SORCS2: variants seen among roughly 807,000 people sequenced by gnomAD.
SORCS2 encodes the protein VPS10 domain-containing receptor SorCS2.
SORCS2 carries 100 observed loss-of-function variants against 141.6 expected under a neutral mutation model. The ratio of observed to expected loss-of-function variants is 0.71; its 90% CI spans 0.60 to 0.83. The LOEUF (loss-of-function observed/expected upper bound fraction) is 0.83. SORCS2 is among the 40% of genes least tolerant of loss of function. The pLI, the probability that SORCS2 is intolerant of heterozygous loss-of-function variation, is 0.00. For synonymous variants in SORCS2, 789 were observed against 676.9 expected, an observed-to-expected ratio of 1.17 and a Z score of -2.57; for missense variants, 1,646 against 1,560.2, an observed-to-expected ratio of 1.05 and a Z score of -0.93.
chr4:7,682,920 C>T (rs1176882445), intron 10 of SORCS2, 31 bp downstream of exon 10: 1 of 1,603,100 alleles, frequency 6.2e-7, no homozygotes, highest in Admixed American at 1.7e-5. Flanking sequence ...CACACACCAT[C>T]CTTGGCGTGG....
At chr4:7,731,518 G>A (rs1257535482) in intron 23 of SORCS2, among the ~76,000 whole-genome samples, 1 of 152,116 alleles carries the variant, frequency 6.6e-6, no homozygotes, top group African/African-American at 2.4e-5. Flanking sequence ...AAGCCATTTT[G>A]AGCAAAAAGA....
chr4:7,362,570 G>A (rs1721641289), intron 1 of SORCS2, among the ~76,000 whole-genome samples: 1 of 152,108 alleles, frequency 6.6e-6, no homozygotes, highest in South Asian at 2.1e-4. Flanking sequence ...GGTGCTGAAG[G>A]CCTAGACCCC....
At chr4:7,198,139 T>C (rs1727273472) in intron 1 of SORCS2, among the ~76,000 whole-genome samples, 1 of 152,054 alleles carries the variant, frequency 6.6e-6, no homozygotes, top group Non-Finnish European at 1.5e-5. Flanking sequence ...GGACCAAGGC[T>C]GTGGAGGGGG....
At chr4:7,337,066 G>A (rs777503827) in intron 1 of SORCS2, among the ~76,000 whole-genome samples, 2 of 152,166 alleles carry the variant, frequency 1.3e-5, no homozygotes, top group Non-Finnish European at 2.9e-5. Context: ...TTTTTGTGCC[G>A]AGGTCCAGTT....
Position 7,648,177 on chromosome 4 carries a change from A to G in SORCS2, c.814-5957A>G, listed in dbSNP as rs1302511693. ...ATGGTGGGAAGGAGGGAGGCCATTTACTGAGACCGCAGAGGAGGAGGAGGA... is the reference window on the plus strand; with the variant it reads ...ATGGTGGGAAGGAGGGAGGCCATTTGCTGAGACCGCAGAGGAGGAGGAGGA... On this transcript the variant is annotated intron_variant, in intron 4 of 26. Transcript: ENST00000507866. The surrounding 1 kb of genome is among the most constrained non-coding windows in gnomAD (Gnocchi z 4.2). 8.1e-6 allele frequency among the ~76,000 whole-genome samples: 1 copy of G among 122,730 alleles called. No homozygotes were observed. The highest frequency in any genetic ancestry group is 1.7e-5 in the Non-Finnish European group (1 of 57,818). The allele number at this position is 122,730 out of a possible 152,430, so 80.5% of individuals were successfully genotyped here.
intron 1 of SORCS2, among the ~76,000 whole-genome samples, chr4:7,345,072 A>T (rs1261704176): frequency 2.0e-5 from 3 of 152,070 alleles, no homozygotes; most frequent in Non-Finnish European, 2.9e-5. Flanking sequence ...CCTCCCAGGG[A>T]CTTGGATGGA....
At chr4:7,220,749 G>C (rs10031101) in intron 1 of SORCS2, among the ~76,000 whole-genome samples, 37,849 of 151,984 alleles carry the variant, frequency 0.25, 5,021 homozygotes, top group East Asian at 0.45. Context: ...GTGCGTCCCA[G>C]GTGTGAAACA....
At chr4:7,501,213 C>T (rs867746357) in intron 2 of SORCS2, among the ~76,000 whole-genome samples, 7 of 152,218 alleles carry the variant, frequency 4.6e-5, no homozygotes, top group Non-Finnish European at 7.3e-5. Context: ...GCCCTGCTCC[C>T]GTCACCCGCT....
chr4:7,278,904 T>C (rs73799451), intron 1 of SORCS2, among the ~76,000 whole-genome samples: 10,909 of 152,250 alleles, frequency 0.072, 858 homozygotes, highest in East Asian at 0.25. Context: ...AGAAGCAAGC[T>C]GAAGCCTGGA....
intron 3 of SORCS2, among the ~76,000 whole-genome samples, chr4:7,543,714 A>G (rs1712935513): frequency 1.1e-4 from 1 of 9,476 alleles, no homozygotes; most frequent in Non-Finnish European, 3.8e-4. Context: ...CCATCCACCC[A>G]TCCACCCATC....
In SORCS2 at chr4:7,741,569, G is replaced by T; in HGVS notation, c.*1305G>T. On this transcript the variant is annotated 3_prime_UTR_variant, in exon 27 of 27. Coordinates refer to ENST00000507866, the MANE Select transcript of SORCS2 (RefSeq NM_020777.3). ...CCGTGGCCTCCCTCTCAGAGGGGGA[G>T]AACGCCAGAGCCCTGGCTGGTGATG... 1 of 251,142 alleles carries T rather than the reference G, an allele frequency of 4.0e-6. No homozygotes were observed. The highest frequency in any genetic ancestry group is 7.6e-6 in the Non-Finnish European group (1 of 132,390). 15.6% of individuals were successfully genotyped at this position (251,142 alleles called of 1,614,324 possible). A position where few individuals can be genotyped will look rare whatever the true frequency, so the allele number is the denominator to read the frequency against.
intron 2 of SORCS2, among the ~76,000 whole-genome samples, chr4:7,449,839 A>C (rs1441612351): frequency 1.3e-5 from 2 of 152,040 alleles, no homozygotes; most frequent in Non-Finnish European, 2.9e-5. Flanking sequence ...TAGGGTTCCC[A>C]GGAGCCACCC....
intron 4 of SORCS2, among the ~76,000 whole-genome samples, chr4:7,649,671 A>G (rs1053233134): frequency 4.6e-5 from 7 of 151,952 alleles, no homozygotes; most frequent in Non-Finnish European, 1.0e-4. Flanking sequence ...CTGGGTCAGG[A>G]GCAGAGGGTG....
intron 1 of SORCS2, among the ~76,000 whole-genome samples, chr4:7,247,287 G>C (rs1178197340): frequency 6.6e-6 from 1 of 152,060 alleles, no homozygotes; most frequent in African/African-American, 2.4e-5. Flanking sequence ...TACTGTAAAC[G>C]GATGTTTCTA....
intron 3 of SORCS2, among the ~76,000 whole-genome samples, chr4:7,636,385 G>A (rs552658679): frequency 7.1e-4 from 108 of 152,250 alleles, no homozygotes; most frequent in African/African-American, 2.5e-3. Context: ...GAATGAATGA[G>A]TGAATGAATG....
chr4:7,216,364 A>C (rs577186348), intron 1 of SORCS2, among the ~76,000 whole-genome samples: 8 of 152,328 alleles, frequency 5.3e-5, no homozygotes, highest in African/African-American at 1.9e-4. Flanking sequence ...CCATGGCCAC[A>C]GACAATTCAC....
intron 2 of SORCS2, among the ~76,000 whole-genome samples, chr4:7,418,364 G>A (rs150246422): frequency 2.1e-4 from 32 of 152,300 alleles, no homozygotes; most frequent in Middle Eastern, 3.4e-3. Flanking sequence ...GGGTCAGGCT[G>A]GCTGGCCTGG....
At chr4:7,341,552 T>A (rs779298619) in intron 1 of SORCS2, among the ~76,000 whole-genome samples, 9 of 152,220 alleles carry the variant, frequency 5.9e-5, no homozygotes, top group Non-Finnish European at 1.3e-4. Context: ...GCTGCCTGGA[T>A]GAACAAGGGA....
intron 1 of SORCS2, among the ~76,000 whole-genome samples, chr4:7,273,028 T>G (rs1297159351): frequency 2.0e-5 from 3 of 152,198 alleles, no homozygotes; most frequent in Admixed American, 1.3e-4. Flanking sequence ...GCTGCAGGGT[T>G]GTTTCTGAGT....
Sources: allele counts gnomAD v4.1 joint callset (sites outside exome capture counted in the v4.1 genomes callset), GRCh38; gene constraint gnomAD v4.1.1; non-coding constraint Gnocchi (gnomAD v3.1); transcripts MANE v1.5; gene names NCBI Gene and HGNC (gene_info 2026-07-23, HGNC 2026-07-21).